Variants in SLFN12 observed in about 807,000 individuals in gnomAD.
SLFN12 encodes the protein schlafen family member 12.
Under a neutral mutation model 29.1 loss-of-function variants are expected in SLFN12, and 25 were observed. The observed-to-expected ratio is 0.86, with a 90% CI of 0.63 to 1.20. The LOEUF (loss-of-function observed/expected upper bound fraction) is 1.20. SLFN12 is among the 50% of genes most tolerant of loss of function. The pLI, the probability that SLFN12 is intolerant of heterozygous loss-of-function variation, is 0.00. For synonymous variants in SLFN12, 257 were observed against 238.7 expected (o/e 1.08, Z -0.71); for missense variants, 660 against 666.2 (o/e 0.99, Z 0.10).
At chr17:35,424,825 T>C (rs1006251469) in intron 1 of SLFN12, among the ~76,000 whole-genome samples, 1 of 145,022 alleles carries the variant, frequency 6.9e-6, no homozygotes, top group Admixed American at 6.7e-5. Flanking sequence ...ACAGTGCCTG[T>C]TTTTTATTTT....
At chr17:35,421,746 A>G (rs959691667) in intron 2 of SLFN12, among the ~76,000 whole-genome samples, 1 of 151,850 alleles carries the variant, frequency 6.6e-6, no homozygotes, top group Non-Finnish European at 1.5e-5. Context: ...TCACCATCTT[A>G]GCCAGGGATG....
Position 35,422,532 on chromosome 17 carries a change from C to G in SLFN12, c.497G>C (p.Arg166Thr), listed in dbSNP as rs749915790. ...TTCTTCTTGTATATCAACACAGGGC[C>G]TCTTTGCCAGCAATTCTGGTCTTAA... is the stretch of plus-strand genomic sequence containing the variant. ...LYLRPELLAK[R>T]PCVDIQEENN... The change falls in exon 2 of 4, where the codon AGG (arginine) becomes ACG (threonine). Residue 166 changes from arginine (R) to threonine (T), a missense_variant. By Grantham distance (71) the Arg-to-Thr change is moderately conservative. Coordinates refer to ENST00000304905, the MANE Select transcript of SLFN12 (RefSeq NM_018042.5). 15 of 1,614,042 alleles carry G rather than the reference C, an allele frequency of 9.3e-6. No individual in the cohort carries two copies. The South Asian group carries it at 1.6e-4, about 18-fold the overall frequency.
rs1394662337 is a variant in SLFN12 at position 35,411,198 on chromosome 17, G to T, written c.*140C>A. On this transcript the variant is annotated 3_prime_UTR_variant, in exon 4 of 4. Coordinates refer to ENST00000304905, the MANE Select transcript of SLFN12 (RefSeq NM_018042.5). The stretch of plus-strand genomic sequence containing the variant: ...CTGTGAAGATTATTTAGGGAGAAGT[G>T]AAAATAGACAAAACCCAATTATCCA... 2.8e-5 allele frequency: 17 copies of T among 616,716 alleles called. No individual in the cohort carries two copies. In the East Asian group the frequency reaches 4.9e-4, roughly 18 times the overall value. The allele number at this position is 616,716 out of a possible 1,614,324, so 38.2% of individuals were successfully genotyped here.
intron 3 of SLFN12, 107 bp from the exon 4 acceptor site, chr17:35,412,034 A>G (rs748603690): frequency 1.3e-6 from 1 of 793,024 alleles, no homozygotes; most frequent in Non-Finnish European, 1.9e-6. Context: ...AAAACACTGT[A>G]AAAGTTGTAT....
rs1453740069 is a variant in SLFN12 at position 35,411,428 on chromosome 17, G to A, written c.1647C>T (p.Ser549=). 1 of 1,611,858 alleles carries A rather than the reference G, an allele frequency of 6.2e-7. No homozygotes were observed. Among genetic ancestry groups the A allele is most frequent in the Non-Finnish European group, 8.5e-7 (1 of 1,179,380 alleles). ...TTATCTGGTATAGATTTTCTGCAAA[G>A]GAAAACTGGTCTCTCAGAGACTTGA... ...KRLKSLRDQF[S]FAENLYQIIG... The change falls in exon 4 of 4, where the codon TCC becomes TCT. Residue 549 remains serine (S), a synonymous_variant. Transcript: ENST00000304905.
chr17:35,411,534 G>A lies in SLFN12; in HGVS notation c.1541C>T (p.Ser514Leu), dbSNP rs572958618. ...GMTSCQYDLR[S>L]QVIYPESYYF... ...GTAGGATTCAGGGTAAATTACTTGC[G>A]ACCTTAAATCATACTGGCAGCTTGT... The change falls in exon 4 of 4, where the codon TCG (serine) becomes TTG (leucine). Residue 514 changes from serine to leucine, a missense_variant. Ser to Leu is a moderately radical substitution (Grantham distance 145). Coordinates refer to ENST00000304905, the MANE Select transcript of SLFN12 (RefSeq NM_018042.5). 6.1e-4 allele frequency: 987 copies of A among 1,613,982 alleles called. 11 individuals are homozygous for A. In the South Asian group the frequency reaches 8.9e-3, roughly 15 times the overall value.
At chr17:35,424,694 A>G (rs1393308043) in intron 1 of SLFN12, among the ~76,000 whole-genome samples, 1 of 152,178 alleles carries the variant, frequency 6.6e-6, no homozygotes, top group Non-Finnish European at 1.5e-5. Context: ...CTGTGTCCAT[A>G]TAAATTCCTG....
chr17:35,414,024 C>T (rs533294567), intron 3 of SLFN12, among the ~76,000 whole-genome samples: 4 of 152,184 alleles, frequency 2.6e-5, no homozygotes, highest in South Asian at 2.1e-4. Flanking sequence ...CTAGAGCTAA[C>T]TCCATGCTCA....
At chr17:35,423,132 T>C in intron 1 of SLFN12, 64 bp from the exon 2 acceptor site, 1 of 1,491,670 alleles carries the variant, frequency 6.7e-7, no homozygotes, top group Non-Finnish European at 8.9e-7. Context: ...TTCTGTATTA[T>C]GAGGCAAATG....
chr17:35,412,386 C>G (rs2142029410), intron 3 of SLFN12, among the ~76,000 whole-genome samples: 1 of 152,164 alleles, frequency 6.6e-6, no homozygotes, highest in Non-Finnish European at 1.5e-5. Context: ...AAGAAAATAT[C>G]AACTGGGAGA....
chr17:35,425,729 A>G (rs1485727546), intron 1 of SLFN12, among the ~76,000 whole-genome samples: 1 of 151,854 alleles, frequency 6.6e-6, no homozygotes, highest in Non-Finnish European at 1.5e-5. Context: ...TGCAATAGAC[A>G]TGAGAGTACA....
chr17:35,426,460 GTTGAT>G (rs1349417906), intron 1 of SLFN12, among the ~76,000 whole-genome samples: 1 of 151,988 alleles, frequency 6.6e-6, no homozygotes, highest in Non-Finnish European at 1.5e-5. Context: ...TCCATGTTGA[GTTGAT>G]TTTTGTATTT....
At chr17:35,424,540 G>A (rs760144109) in intron 1 of SLFN12, among the ~76,000 whole-genome samples, 8 of 152,046 alleles carry the variant, frequency 5.3e-5, no homozygotes, top group South Asian at 2.1e-4. Flanking sequence ...TAGGTTTTCC[G>A]AGTGGCATAG....
intron 2 of SLFN12, 43 bp from the exon 3 acceptor site, chr17:35,420,424 G>A: frequency 7.8e-7 from 1 of 1,277,008 alleles, no homozygotes; most frequent in Non-Finnish European, 1.1e-6. Context: ...GCAGAAGGGA[G>A]ACCCCAACTA....
chr17:35,415,751 T>C (rs907589550), intron 3 of SLFN12, among the ~76,000 whole-genome samples: 5 of 151,988 alleles, frequency 3.3e-5, no homozygotes, highest in African/African-American at 1.2e-4. Context: ...CCAATGAACA[T>C]GAAAATATGC....
chr17:35,414,554 A>G (rs746215539), intron 3 of SLFN12, among the ~76,000 whole-genome samples: 3 of 152,096 alleles, frequency 2.0e-5, no homozygotes, highest in Non-Finnish European at 4.4e-5. Flanking sequence ...TACAGATTCA[A>G]CGAAAACCCT....
intron 2 of SLFN12, 159 bp from the exon 3 acceptor site, chr17:35,420,540 AT>A (rs995855868): frequency 4.0e-6 from 2 of 500,382 alleles, no homozygotes; most frequent in Non-Finnish European, 7.0e-6. Context: ...TCAGATACAA[AT>A]TGCAAAATTA....
intron 1 of SLFN12, among the ~76,000 whole-genome samples, chr17:35,431,659 GA>G (rs1567854417): frequency 6.6e-6 from 1 of 152,048 alleles, no homozygotes; most frequent in African/African-American, 2.4e-5. Flanking sequence ...CTCCAGAGGG[GA>G]TGGCCTACTG....
At chr17:35,419,713 G>T (rs1433217746) in intron 3 of SLFN12, among the ~76,000 whole-genome samples, 1 of 152,050 alleles carries the variant, frequency 6.6e-6, no homozygotes, top group Non-Finnish European at 1.5e-5. Flanking sequence ...AAACAATTTG[G>T]CATTATCTTA....
Sources: allele counts gnomAD v4.1 joint callset (sites outside exome capture counted in the v4.1 genomes callset), GRCh38; gene constraint gnomAD v4.1.1; transcripts MANE v1.5; gene names NCBI Gene and HGNC (gene_info 2026-07-23, HGNC 2026-07-21).